The following NBEA variants were observed in gnomAD, a reference collection of about 807,000 sequenced individuals.
The protein encoded by NBEA is neurobeachin.
A neutral mutation model predicts 343.4 loss-of-function variants in NBEA; 44 were observed. The observed-to-expected ratio is 0.13, with a 90% CI of 0.10 to 0.16. The LOEUF (loss-of-function observed/expected upper bound fraction) is 0.16, where lower values mean the gene tolerates loss of function less well. NBEA is among the 10% of genes least tolerant of loss of function. The probability of loss-of-function intolerance (pLI) is 1.00; values close to 1 mark genes in which losing one functional copy is unlikely to be tolerated. For synonymous variants in NBEA, 1,175 were observed against 1,238.7 expected (o/e 0.95, Z 1.08); for missense variants, 2,555 against 3,631.3 (o/e 0.70, Z 7.62).
intron 49 of NBEA, among the ~76,000 whole-genome samples, chr13:35,637,903 ATG>A (rs2083768996): frequency 6.6e-6 from 1 of 152,136 alleles, no homozygotes; most frequent in Non-Finnish European, 1.5e-5. Context: ...GGGGTGGTGT[ATG>A]TGTGTGTAAT....
chr13:35,645,062 G>A (rs986712695), intron 49 of NBEA, among the ~76,000 whole-genome samples: 1 of 152,132 alleles, frequency 6.6e-6, no homozygotes, highest in Non-Finnish European at 1.5e-5. Context: ...CATTTTTATT[G>A]ATAAACATTT....
At chr13:35,649,431 A>G (rs1344525207) in intron 51 of NBEA, among the ~76,000 whole-genome samples, 1 of 152,152 alleles carries the variant, frequency 6.6e-6, no homozygotes, top group African/African-American at 2.4e-5. Context: ...GTGTCCCTGT[A>G]TCAGTGCCTT....
intron 44 of NBEA, among the ~76,000 whole-genome samples, chr13:35,558,244 T>A (rs935760368): frequency 3.3e-5 from 5 of 152,168 alleles, no homozygotes; most frequent in African/African-American, 1.2e-4. Context: ...ATACCAGTAA[T>A]TCCACTAAAA....
intron 1 of NBEA, among the ~76,000 whole-genome samples, chr13:35,007,836 G>A (rs1357169103): frequency 6.6e-6 from 1 of 151,980 alleles, no homozygotes; most frequent in Non-Finnish European, 1.5e-5. Context: ...TTTATGTTCT[G>A]GTTCTGATAA....
chr13:35,470,704 G>A (rs1312160549), intron 40 of NBEA, among the ~76,000 whole-genome samples: 2 of 152,306 alleles, frequency 1.3e-5, no homozygotes, highest in Admixed American at 6.5e-5. Flanking sequence ...AAGGGTTAAG[G>A]GAGCGGTTCG....
chr13:35,443,975 A>G (rs2045867776), intron 39 of NBEA, among the ~76,000 whole-genome samples: 1 of 151,978 alleles, frequency 6.6e-6, no homozygotes, highest in African/African-American at 2.4e-5. Context: ...AATAAAGTCA[A>G]ACACAAAATT....
chr13:35,208,867 C>T lies in NBEA; in HGVS notation c.5521+13C>T, dbSNP rs761221643. 1 of 1,498,200 alleles carries T rather than the reference C, an allele frequency of 6.7e-7. No individual in the cohort carries two copies. The highest frequency in any genetic ancestry group is 9.0e-7 in the Non-Finnish European group (1 of 1,110,642). 92.8% of individuals were successfully genotyped at this position (1,498,200 alleles called of 1,614,324 possible). A position where few individuals can be genotyped will look rare whatever the true frequency, so the allele number is the denominator to read the frequency against. ...ATTAATACAACAGGTATTGTACTTACATATTTTTGTGATACTCATCTTTTT... is the reference window on the plus strand; with the variant it reads ...ATTAATACAACAGGTATTGTACTTATATATTTTTGTGATACTCATCTTTTT... On this transcript the variant is annotated intron_variant, in intron 32 of 58. Transcript: ENST00000379939.
chr13:35,156,354 G>A, intron 20 of NBEA, 148 bp downstream of exon 20: 1 of 652,100 alleles, frequency 1.5e-6, no homozygotes. Flanking sequence ...GACATAATCT[G>A]TATTCGGTAT....
chr13:35,668,864 C>T (rs2085476853), intron 58 of NBEA, among the ~76,000 whole-genome samples: 2 of 152,178 alleles, frequency 1.3e-5, no homozygotes, highest in South Asian at 2.1e-4. Flanking sequence ...GAGGGAAACA[C>T]GTATTTTTCA....
chr13:35,593,944 C>G (rs941816669), intron 47 of NBEA, among the ~76,000 whole-genome samples: 10 of 152,088 alleles, frequency 6.6e-5, no homozygotes, highest in African/African-American at 2.4e-4. Context: ...TGCAACAATA[C>G]ACATTAGATT....
At chr13:35,037,716 C>CTAAA (rs1297165238) in intron 1 of NBEA, among the ~76,000 whole-genome samples, 3 of 152,188 alleles carry the variant, frequency 2.0e-5, no homozygotes, top group Admixed American at 2.0e-4. Context: ...TCTGAGACAC[C>CTAAA]TAAAGCTGGG....
chr13:35,355,416 A>G (rs1480359629), intron 38 of NBEA, among the ~76,000 whole-genome samples: 1 of 152,086 alleles, frequency 6.6e-6, no homozygotes, highest in Admixed American at 6.6e-5. Context: ...GGCTATTCAA[A>G]TTTAATTAAT....
At chr13:35,033,536 G>A (rs2062322141) in intron 1 of NBEA, among the ~76,000 whole-genome samples, 1 of 151,842 alleles carries the variant, frequency 6.6e-6, no homozygotes, top group Non-Finnish European at 1.5e-5. Flanking sequence ...ATCTATTTCT[G>A]TGAAGGATGT....
chr13:34,990,847 T>C (rs2060726332), intron 1 of NBEA, among the ~76,000 whole-genome samples: 1 of 152,246 alleles, frequency 6.6e-6, no homozygotes, highest in Non-Finnish European at 1.5e-5. Context: ...TGTGACCATA[T>C]GCTGTTAGAA....
chr13:35,658,867 A>G (rs2084938875), intron 55 of NBEA, among the ~76,000 whole-genome samples: 1 of 152,142 alleles, frequency 6.6e-6, no homozygotes, highest in South Asian at 2.1e-4. Context: ...TAGGGCAACC[A>G]TCTGTGTCGG....
chr13:34,981,277 A>G (rs2060347175), intron 1 of NBEA, among the ~76,000 whole-genome samples: 1 of 152,094 alleles, frequency 6.6e-6, no homozygotes, highest in Non-Finnish European at 1.5e-5. Flanking sequence ...CCACAGTTTG[A>G]TTATCCATTT....
At chr13:34,998,465 A>G (rs565887524) in intron 1 of NBEA, among the ~76,000 whole-genome samples, 1 of 152,204 alleles carries the variant, frequency 6.6e-6, no homozygotes, top group Admixed American at 6.5e-5. Context: ...GGAGTGCTGC[A>G]GGAGACGGGG....
intron 41 of NBEA, among the ~76,000 whole-genome samples, chr13:35,504,196 G>A (rs9544477): frequency 2.0e-4 from 31 of 152,136 alleles, no homozygotes; most frequent in Non-Finnish European, 4.1e-4. Context: ...TCCCTTTGTA[G>A]AATGTTGCCA....
chr13:35,606,176 A>G (rs1433948241), intron 47 of NBEA, among the ~76,000 whole-genome samples: 4 of 152,146 alleles, frequency 2.6e-5, no homozygotes, highest in Non-Finnish European at 5.9e-5. Context: ...TGGGAGGATA[A>G]GATTGAAAAT....
Sources: gnomAD v4.1 joint callset for allele counts (sites outside exome capture counted in the v4.1 genomes callset) on GRCh38, gnomAD v4.1.1 for gene constraint, MANE v1.5 for transcripts, NCBI Gene and HGNC (gene_info 2026-07-23, HGNC 2026-07-21) for gene names.